Variants in MALRD1 observed in about 807,000 individuals in gnomAD.
MALRD1 encodes MAM and LDL receptor class A domain containing 1, also known as MAM and LDL-receptor class A domain-containing protein 1.
A neutral mutation model predicts 242.1 loss-of-function variants in MALRD1; 247 were observed. The ratio of observed to expected loss-of-function variants is 1.02; its 90% confidence interval spans 0.92 to 1.13. The LOEUF is 1.13. MALRD1 is among the 50% of genes most tolerant of loss of function. The pLI, the probability that MALRD1 is intolerant of heterozygous loss-of-function variation, is 0.00. For synonymous variants in MALRD1, 995 were observed against 866.6 expected (o/e 1.15, Z -2.60); for missense variants, 2,989 against 2,533.1 (o/e 1.18, Z -3.86).
intron 10 of MALRD1, among the ~76,000 whole-genome samples, chr10:19,137,832 G>A (rs1833403658): frequency 1.3e-5 from 2 of 152,156 alleles, no homozygotes; most frequent in South Asian, 4.1e-4. Flanking sequence ...TAGCAACTGA[G>A]ATCCCTGTGT....
chr10:19,653,852 T>G (rs900986309), intron 36 of MALRD1, among the ~76,000 whole-genome samples: 1 of 152,176 alleles, frequency 6.6e-6, no homozygotes, highest in Non-Finnish European at 1.5e-5. Context: ...CTCCTCTATT[T>G]TTTTGAGACT....
intron 5 of MALRD1, among the ~76,000 whole-genome samples, chr10:19,122,839 C>T (rs1319634479): frequency 1.3e-5 from 2 of 152,112 alleles, no homozygotes; most frequent in African/African-American, 4.8e-5. Context: ...AATTCTCCTG[C>T]CTCAGCCTCC....
At chr10:19,441,315 C>G (rs1327561390) in intron 28 of MALRD1, among the ~76,000 whole-genome samples, 1 of 152,138 alleles carries the variant, frequency 6.6e-6, no homozygotes, top group African/African-American at 2.4e-5. Flanking sequence ...ATGGTAGTTT[C>G]TTTTGCTGTG....
intron 26 of MALRD1, among the ~76,000 whole-genome samples, chr10:19,364,228 C>T (rs1488361915): frequency 6.6e-6 from 1 of 151,960 alleles, no homozygotes; most frequent in African/African-American, 2.4e-5. Flanking sequence ...AAAGGTAGCA[C>T]CTAGCAATAT....
intron 24 of MALRD1, among the ~76,000 whole-genome samples, chr10:19,341,589 C>CAA: frequency 1.2e-4 from 1 of 8,354 alleles, no homozygotes; most frequent in South Asian, 1.3e-3. Flanking sequence ...ATAAAACACT[C>CAA]ACACACACAC....
At chr10:19,556,834 A>C (rs1835740678) in intron 32 of MALRD1, among the ~76,000 whole-genome samples, 9 of 152,134 alleles carry the variant, frequency 5.9e-5, no homozygotes, top group Admixed American at 5.9e-4. Flanking sequence ...AGAAACTGCC[A>C]AACTGTCTGA....
At position 19,631,193 on chromosome 10, in the gene MALRD1, G is replaced by A. The variant is rs1839882485; in HGVS notation, c.6137+15270G>A. 2.0e-5 allele frequency among the ~76,000 whole-genome samples: 3 copies of A among 152,178 alleles called. No individual in the cohort carries two copies. In the South Asian group the frequency reaches 6.2e-4, roughly 32 times the overall value. ...CAGTGTCTGTTGTTCCCCTCTATGT[G>A]TCCATGTGTTCTCATCATTTAGCTC... On this transcript the variant is annotated intron_variant, in intron 36 of 39. Transcript: ENST00000454679.
chr10:19,679,766 T>C (rs1254180986), intron 36 of MALRD1, among the ~76,000 whole-genome samples: 1 of 152,066 alleles, frequency 6.6e-6, no homozygotes, highest in Non-Finnish European at 1.5e-5. Flanking sequence ...TGAGATCTTT[T>C]GAGCTTTTCG....
intron 36 of MALRD1, among the ~76,000 whole-genome samples, chr10:19,645,758 T>C (rs1840627244): frequency 6.6e-6 from 1 of 151,958 alleles, no homozygotes; most frequent in African/African-American, 2.4e-5. Context: ...GGGATAGCAT[T>C]TGGAGATATA....
chr10:19,251,120 G>A (rs1839275734), intron 18 of MALRD1, among the ~76,000 whole-genome samples: 1 of 151,846 alleles, frequency 6.6e-6, no homozygotes. Flanking sequence ...AGGGAGGGGA[G>A]GCTGAGTTGA....
At chr10:19,288,955 A>G (rs1198377547) in intron 21 of MALRD1, among the ~76,000 whole-genome samples, 1 of 151,698 alleles carries the variant, frequency 6.6e-6, no homozygotes, top group Non-Finnish European at 1.5e-5. Context: ...CTTCAGGCTG[A>G]TTTCCCCCCT....
intron 33 of MALRD1, among the ~76,000 whole-genome samples, chr10:19,568,970 G>T (rs763845417): frequency 6.6e-6 from 1 of 151,986 alleles, no homozygotes; most frequent in Non-Finnish European, 1.5e-5. Flanking sequence ...AATATGAACA[G>T]ATTATTCAGC....
chr10:19,654,111 A>C (rs1245306609), intron 36 of MALRD1, among the ~76,000 whole-genome samples: 1 of 152,182 alleles, frequency 6.6e-6, no homozygotes, highest in Non-Finnish European at 1.5e-5. Flanking sequence ...GAGCAGATGA[A>C]TTTGTGATTT....
chr10:19,628,357 T>C (rs545754418), intron 36 of MALRD1, among the ~76,000 whole-genome samples: 2 of 152,258 alleles, frequency 1.3e-5, no homozygotes, highest in East Asian at 3.9e-4. Flanking sequence ...ACAAACATAT[T>C]GGCCTCAGCA....
At chr10:19,565,880 CA>C (rs1836227725) in intron 32 of MALRD1, among the ~76,000 whole-genome samples, 1 of 152,064 alleles carries the variant, frequency 6.6e-6, no homozygotes, top group Non-Finnish European at 1.5e-5. Context: ...AAACTTTGGG[CA>C]AGTTTTAAAT....
At chr10:19,549,412 T>A (rs1456897190) in intron 32 of MALRD1, among the ~76,000 whole-genome samples, 1 of 152,156 alleles carries the variant, frequency 6.6e-6, no homozygotes, top group Non-Finnish European at 1.5e-5. Flanking sequence ...GCAGCAAACT[T>A]ATTGTCTTGT....
intron 16 of MALRD1, among the ~76,000 whole-genome samples, chr10:19,204,626 C>T (rs1018377910): frequency 6.6e-6 from 1 of 152,050 alleles, no homozygotes; most frequent in African/African-American, 2.4e-5. Context: ...GGGGCTCTTT[C>T]CCCCCAACCA....
chr10:19,721,729 A>G (rs1330742126), intron 38 of MALRD1: 2 of 152,214 alleles, frequency 1.3e-5, no homozygotes, highest in Non-Finnish European at 1.5e-5. Flanking sequence ...TTCCAGCCAT[A>G]TAGCTTTTTC....
At chr10:19,368,446 TG>T (rs1404061030) in intron 26 of MALRD1, among the ~76,000 whole-genome samples, 3 of 152,094 alleles carry the variant, frequency 2.0e-5, no homozygotes, top group African/African-American at 7.2e-5. Flanking sequence ...GGATTCATTT[TG>T]GGGTTCTGTA....
Sources: gnomAD v4.1 joint callset for allele counts (sites outside exome capture counted in the v4.1 genomes callset) on GRCh38, gnomAD v4.1.1 for gene constraint, MANE v1.5 for transcripts, NCBI Gene and HGNC (gene_info 2026-07-23, HGNC 2026-07-21) for gene names.